PDE4B: variants seen among roughly 807,000 people sequenced by gnomAD.
The protein encoded by PDE4B is 3',5'-cyclic-AMP phosphodiesterase 4B.
In PDE4B, 20 loss-of-function variants were observed where a neutral mutation model predicts 82.2. That is an observed-to-expected ratio of 0.24 (90% CI 0.17 to 0.35). The LOEUF is 0.35. PDE4B is among the 10% of genes least tolerant of loss of function. PDE4B has a pLI of 1.00. For synonymous variants in PDE4B, 320 were observed against 318.9 expected, an observed-to-expected ratio of 1.00 and a Z score of -0.04; for missense variants, 655 against 907.2, an observed-to-expected ratio of 0.72 and a Z score of 3.57.
intron 3 of PDE4B, among the ~76,000 whole-genome samples, chr1:66,013,945 C>T (rs1289376718): frequency 6.6e-6 from 1 of 152,072 alleles, no homozygotes; most frequent in Non-Finnish European, 1.5e-5. Context: ...CACATTCTGA[C>T]CAATATTTAT....
intron 3 of PDE4B, among the ~76,000 whole-genome samples, chr1:65,980,440 C>T (rs1650628116): frequency 6.6e-6 from 1 of 152,064 alleles, no homozygotes; most frequent in African/African-American, 2.4e-5. Flanking sequence ...TTAAGAAGCA[C>T]ATTTTCTTAG....
At chr1:66,268,667 CAAAAAAAAAAAA>C (rs36046564) in intron 7 of PDE4B, among the ~76,000 whole-genome samples, 12 of 61,226 alleles carry the variant, frequency 2.0e-4, no homozygotes, top group Non-Finnish European at 2.2e-4. Context: ...GACTCCATCT[CAAAAAAAAAAAA>C]AAAAAAAAAA....
intron 3 of PDE4B, chr1:66,152,633 TACACACACACACACACAC>T (rs141660761): frequency 4.2e-5 from 6 of 143,682 alleles, no homozygotes; most frequent in Non-Finnish European, 9.1e-5. Context: ...TATATGTGTA[TACACACACACACACACAC>T]ACACACACAC....
intron 4 of PDE4B, among the ~76,000 whole-genome samples, chr1:66,253,084 G>A (rs1653914932): frequency 6.6e-6 from 1 of 152,160 alleles, no homozygotes; most frequent in Admixed American, 6.5e-5. Flanking sequence ...GTTATCAAGA[G>A]TTGTACATAT....
intron 3 of PDE4B, among the ~76,000 whole-genome samples, chr1:66,214,402 C>T (rs1650294905): frequency 6.6e-6 from 1 of 152,090 alleles, no homozygotes; most frequent in African/African-American, 2.4e-5. Flanking sequence ...CAGAATAAGG[C>T]ACACACAAGG....
chr1:66,259,520 C>CT (rs1654516919), intron 6 of PDE4B, among the ~76,000 whole-genome samples: 1 of 152,152 alleles, frequency 6.6e-6, no homozygotes, highest in African/African-American at 2.4e-5. Context: ...TCCTGATTGT[C>CT]TATGTCCCAT....
chr1:65,960,714 C>T (rs1345755601), intron 3 of PDE4B, among the ~76,000 whole-genome samples: 1 of 152,058 alleles, frequency 6.6e-6, no homozygotes, highest in Non-Finnish European at 1.5e-5. Context: ...TCAAGGGCAC[C>T]AGTTTCTAAC....
At chr1:66,315,592 A>G (rs554424471) in intron 7 of PDE4B, among the ~76,000 whole-genome samples, 74 of 151,992 alleles carry the variant, frequency 4.9e-4, no homozygotes, top group African/African-American at 1.7e-3. Flanking sequence ...AGTAGCTGGG[A>G]TTATAGGCAC....
intron 1 of PDE4B, among the ~76,000 whole-genome samples, chr1:65,850,642 A>AGTGTGTTTGT (rs1646320943): frequency 6.6e-6 from 1 of 151,770 alleles, no homozygotes; most frequent in Admixed American, 6.6e-5. Context: ...GCTGAGTAAG[A>AGTGTGTTTGT]GTGTGTTTGT....
At chr1:66,318,986 G>A (rs1048811733) in intron 7 of PDE4B, among the ~76,000 whole-genome samples, 5 of 152,170 alleles carry the variant, frequency 3.3e-5, no homozygotes, top group Non-Finnish European at 5.9e-5. Flanking sequence ...TGTAAAAATG[G>A]AGATAACTTT....
At chr1:66,116,221 T>A (rs989659322) in intron 3 of PDE4B, among the ~76,000 whole-genome samples, 22 of 147,168 alleles carry the variant, frequency 1.5e-4, no homozygotes, top group East Asian at 4.0e-4. Context: ...GTTTTTTTTT[T>A]ATCTGGGTCT....
At chr1:66,135,701 A>T (rs77340256) in intron 3 of PDE4B, among the ~76,000 whole-genome samples, 203 of 152,296 alleles carry the variant, frequency 1.3e-3, no homozygotes, top group Non-Finnish European at 2.5e-3. Context: ...CAGAGAAGAG[A>T]TCTGGGCCAA....
Position 66,064,551 on chromosome 1 carries a change from T to C in PDE4B, c.281+145716T>C, listed in dbSNP as rs1332149057. Among the ~76,000 whole-genome samples, 8 of 152,160 alleles carry C rather than the reference T, an allele frequency of 5.3e-5. No individual in the cohort carries two copies. The East Asian group carries it at 1.5e-3, about 29-fold the overall frequency. On this transcript the variant is annotated intron_variant, in intron 3 of 16. Coordinates refer to ENST00000341517, the MANE Select transcript of PDE4B (RefSeq NM_002600.4). ...CCTCCAATTTCTTGCTGGTATTTACTGTTAGCCAAATGAAAGCCAAGTGGA... is the reference window on the plus strand; with the variant it reads ...CCTCCAATTTCTTGCTGGTATTTACCGTTAGCCAAATGAAAGCCAAGTGGA...
At chr1:66,022,607 G>A (rs2503212) in intron 3 of PDE4B, among the ~76,000 whole-genome samples, 15,833 of 152,112 alleles carry the variant, frequency 0.1, 949 homozygotes, top group Admixed American at 0.18. Context: ...GCTGGATTAC[G>A]TTTATTGATT....
intron 4 of PDE4B, 78 bp downstream of exon 4, chr1:66,247,732 T>C: frequency 9.5e-7 from 1 of 1,054,646 alleles, no homozygotes; most frequent in Non-Finnish European, 1.4e-6. Flanking sequence ...GCAACAACAA[T>C]TCCCCATTAA....
At chr1:65,914,365 C>A (rs1173057151) in intron 2 of PDE4B, among the ~76,000 whole-genome samples, 2 of 151,960 alleles carry the variant, frequency 1.3e-5, no homozygotes, top group African/African-American at 4.8e-5. Flanking sequence ...TTTTCCTTCC[C>A]AAATACACTC....
Position 66,081,807 on chromosome 1 carries a change from ACTCTCTCTCTCT to A in PDE4B, c.281+162987_281+162998del, listed in dbSNP as rs72513051. Among the ~76,000 whole-genome samples the A allele has an allele frequency of 3.4e-3, 485 of 140,930 alleles. 11 individuals carry two copies. The East Asian group carries it at 0.041, about 12-fold the overall frequency. The allele number at this position is 140,930 out of a possible 152,430, so 92.5% of individuals were successfully genotyped here. A position where few individuals can be genotyped will look rare whatever the true frequency, so the allele number is the denominator to read the frequency against. ...ATTCTACACGGGAGTGAAAAGTAAA[ACTCTCTCTCTCT>A]CTCTCTCTCTCTCTGTGTGTGTGTG... On this transcript the variant is annotated intron_variant, in intron 3 of 16. Transcript: ENST00000341517.
chr1:66,354,737 A>C, intron 8 of PDE4B: 1 of 1,462,986 alleles, frequency 6.8e-7, no homozygotes, highest in South Asian at 1.4e-5. Context: ...AGTTTTGATT[A>C]TTTTATCACT....
chr1:66,184,020 T>C (rs2101421141), intron 3 of PDE4B, among the ~76,000 whole-genome samples: 1 of 152,192 alleles, frequency 6.6e-6, no homozygotes, highest in East Asian at 1.9e-4. Context: ...CAGAGTCAAA[T>C]AGGCAAGATG....
Sources: gnomAD v4.1 joint callset for allele counts (sites outside exome capture counted in the v4.1 genomes callset) on GRCh38, gnomAD v4.1.1 for gene constraint, MANE v1.5 for transcripts, NCBI Gene and HGNC (gene_info 2026-07-23, HGNC 2026-07-21) for gene names.